ADAMTSL1: variants seen among roughly 807,000 people sequenced by gnomAD.
ADAMTSL1 encodes ADAMTS-like protein 1.
A neutral mutation model predicts 201.8 loss-of-function variants in ADAMTSL1; 126 were observed. That is an observed-to-expected ratio of 0.62 (90% CI 0.54 to 0.72). The LOEUF is 0.72. ADAMTSL1 is among the 30% of genes least tolerant of loss of function. The probability of loss-of-function intolerance (pLI) is 0.00; values close to 1 mark genes in which losing one functional copy is unlikely to be tolerated. For synonymous variants in ADAMTSL1, 1,121 were observed against 903.4 expected (o/e 1.24, Z -4.32); for missense variants, 2,679 against 2,277.8 (o/e 1.18, Z -3.59).
intron 9 of ADAMTSL1, among the ~76,000 whole-genome samples, chr9:18,666,014 G>A (rs763080354): frequency 4.6e-5 from 7 of 152,070 alleles, no homozygotes; most frequent in Non-Finnish European, 1.0e-4. Flanking sequence ...ACTTTATACA[G>A]TAGATACTTG....
intron 1 of ADAMTSL1, among the ~76,000 whole-genome samples, chr9:18,096,760 A>G (rs956183782): frequency 4.6e-5 from 7 of 152,338 alleles, no homozygotes; most frequent in Middle Eastern, 3.4e-3. Context: ...GTCACCCTAC[A>G]AACTTCTCAA....
intron 23 of ADAMTSL1, among the ~76,000 whole-genome samples, chr9:18,868,951 AT>A (rs1827716660): frequency 6.6e-6 from 1 of 152,212 alleles, no homozygotes; most frequent in African/African-American, 2.4e-5. Flanking sequence ...ATGTGCCCTT[AT>A]GTGGAAATAG....
intron 2 of ADAMTSL1, among the ~76,000 whole-genome samples, chr9:18,299,305 A>G (rs565250247): frequency 6.6e-6 from 1 of 152,316 alleles, no homozygotes; most frequent in East Asian, 1.9e-4. Context: ...TCCCTCCCCA[A>G]GCATGTCTAC....
At chr9:18,076,161 C>T (rs555494348) in intron 1 of ADAMTSL1, among the ~76,000 whole-genome samples, 4 of 152,272 alleles carry the variant, frequency 2.6e-5, no homozygotes, top group African/African-American at 7.2e-5. Flanking sequence ...CGTGGTTTCA[C>T]GTTTTATTTT....
intron 15 of ADAMTSL1, among the ~76,000 whole-genome samples, chr9:18,726,150 T>C (rs544274690): frequency 6.6e-6 from 1 of 152,334 alleles, no homozygotes; most frequent in Non-Finnish European, 1.5e-5. Context: ...GAAAACGTGA[T>C]TTTTAAAAAT....
At chr9:18,474,063 AC>A, upstream of ADAMTSL1, 2 of 573,114 alleles carry the variant, frequency 3.5e-6, no homozygotes, top group Non-Finnish European at 3.1e-6. Flanking sequence ...CATTCAGCTT[AC>A]CCCCCACCCA....
intron 15 of ADAMTSL1, among the ~76,000 whole-genome samples, chr9:18,731,346 A>G (rs1157286709): frequency 6.6e-6 from 1 of 152,210 alleles, no homozygotes; most frequent in Non-Finnish European, 1.5e-5. Context: ...TAAAGAGAAG[A>G]GGCACTGGGT....
intron 2 of ADAMTSL1, among the ~76,000 whole-genome samples, chr9:18,216,543 C>G (rs967399583): frequency 6.6e-6 from 1 of 152,090 alleles, no homozygotes; most frequent in African/African-American, 2.4e-5. Context: ...GCATCAAGCT[C>G]CCTCTGACAG....
At chr9:18,813,725 G>T (rs563806116) in intron 20 of ADAMTSL1, among the ~76,000 whole-genome samples, 44 of 152,244 alleles carry the variant, frequency 2.9e-4, no homozygotes, top group Non-Finnish European at 5.9e-4. Flanking sequence ...AAGTTGTAGG[G>T]TTTTCTATAT....
At chr9:18,261,244 G>C (rs1449482064) in intron 2 of ADAMTSL1, among the ~76,000 whole-genome samples, 1 of 152,078 alleles carries the variant, frequency 6.6e-6, no homozygotes, top group Non-Finnish European at 1.5e-5. Context: ...AAATAGACTT[G>C]TGGTTGCTTG....
At chr9:18,079,370 T>C (rs1176824613) in intron 1 of ADAMTSL1, among the ~76,000 whole-genome samples, 1 of 152,128 alleles carries the variant, frequency 6.6e-6, no homozygotes, top group Non-Finnish European at 1.5e-5. Context: ...CCTTTTAACT[T>C]CTTTAATTTT....
At chr9:17,940,740 A>G (rs35514428) in intron 1 of ADAMTSL1, among the ~76,000 whole-genome samples, 11,537 of 144,396 alleles carry the variant, frequency 0.08, 698 homozygotes, top group South Asian at 0.16. Flanking sequence ...AAAAAAAGAA[A>G]AAAAATGAGA....
chr9:18,126,910 A>AT (rs926496974), intron 1 of ADAMTSL1, among the ~76,000 whole-genome samples: 1 of 152,168 alleles, frequency 6.6e-6, no homozygotes, highest in South Asian at 2.1e-4. Flanking sequence ...CCTACACAAC[A>AT]TTTTTTAGTT....
At chr9:18,703,697 CATACATATATAT>C (rs1486640776) in intron 13 of ADAMTSL1, among the ~76,000 whole-genome samples, 1 of 31,018 alleles carries the variant, frequency 3.2e-5, no homozygotes, top group Non-Finnish European at 6.8e-5. Context: ...TGCATGCGCA[CATACATATATAT>C]ATATATATAT....
chr9:18,850,855 C>G (rs1208898711), intron 23 of ADAMTSL1, among the ~76,000 whole-genome samples: 1 of 152,168 alleles, frequency 6.6e-6, no homozygotes, highest in Non-Finnish European at 1.5e-5. Flanking sequence ...ACCAGCCAAT[C>G]TCAGGTAAAT....
chr9:18,840,509 C>A (rs200961850), intron 23 of ADAMTSL1, among the ~76,000 whole-genome samples: 3 of 151,976 alleles, frequency 2.0e-5, no homozygotes, highest in Non-Finnish European at 4.4e-5. Flanking sequence ...GGGTTGACTT[C>A]GCGATGTGGG....
intron 1 of ADAMTSL1, among the ~76,000 whole-genome samples, chr9:17,990,191 G>T (rs1394562893): frequency 6.6e-6 from 1 of 151,906 alleles, no homozygotes; most frequent in Admixed American, 6.6e-5. Flanking sequence ...TTCTCACATG[G>T]CACAGAGATG....
intron 2 of ADAMTSL1, among the ~76,000 whole-genome samples, chr9:18,335,367 G>T (rs1223261095): frequency 1.3e-5 from 2 of 151,768 alleles, no homozygotes; most frequent in African/African-American, 2.4e-5. Flanking sequence ...TTCCTGTGTT[G>T]TCCAGGCTGG....
At chr9:18,583,370 A>G (rs1045223010) in intron 4 of ADAMTSL1, among the ~76,000 whole-genome samples, 7 of 152,196 alleles carry the variant, frequency 4.6e-5, no homozygotes, top group Non-Finnish European at 8.8e-5. Flanking sequence ...CTGTGAGTGC[A>G]CAGAAGTCAA....
Sources: gnomAD v4.1 joint callset for allele counts (sites outside exome capture counted in the v4.1 genomes callset) on GRCh38, gnomAD v4.1.1 for gene constraint, MANE v1.5 for transcripts, NCBI Gene and HGNC (gene_info 2026-07-23, HGNC 2026-07-21) for gene names.